The following FOXN3 variants were observed in gnomAD, a reference collection of about 807,000 sequenced individuals.
FOXN3 encodes the protein forkhead box protein N3.
In FOXN3, 7 loss-of-function variants were observed where a neutral mutation model predicts 38.4. That is an observed-to-expected ratio of 0.18 (90% CI 0.10 to 0.34). FOXN3 has a LOEUF of 0.34. FOXN3 is among the 10% of genes least tolerant of loss of function. The pLI, the probability that FOXN3 is intolerant of heterozygous loss-of-function variation, is 1.00. For missense variants in FOXN3, 456 were observed against 613.4 expected (o/e 0.74, Z 2.71); for synonymous variants, 230 against 242.2 (o/e 0.95, Z 0.47).
At chr14:89,253,910 C>T (rs1566939618) in intron 4 of FOXN3, among the ~76,000 whole-genome samples, 1 of 152,232 alleles carries the variant, frequency 6.6e-6, no homozygotes, top group Non-Finnish European at 1.5e-5. Context: ...CACATGGTAC[C>T]TGTCCCAATG....
chr14:89,281,092 CA>C, intron 3 of FOXN3, 78 bp from the exon 4 acceptor site: 2 of 1,276,294 alleles, frequency 1.6e-6, no homozygotes, highest in Non-Finnish European at 2.2e-6. Context: ...ACACTTCCCT[CA>C]AAACATTTCC....
chr14:89,336,147 C>T (rs1566959942), intron 3 of FOXN3, among the ~76,000 whole-genome samples: 1 of 136,838 alleles, frequency 7.3e-6, no homozygotes, highest in Non-Finnish European at 1.6e-5. Flanking sequence ...TACACACACA[C>T]ACACACACAC....
chr14:89,555,509 T>C (rs1403412439), intron 1 of FOXN3, among the ~76,000 whole-genome samples: 1 of 152,148 alleles, frequency 6.6e-6, no homozygotes, highest in Non-Finnish European at 1.5e-5. Flanking sequence ...AGGATAAGCA[T>C]CTTGTCATAT....
chr14:89,333,875 C>G lies in FOXN3; in HGVS notation c.680+16797G>C, dbSNP rs563752915. ...AGATACTATATCTGCATGGCACTCT[C>G]AATTTCATTGCAGCATTATTCACAA... On this transcript the variant is annotated intron_variant, in intron 3 of 5. Coordinates refer to ENST00000557258, the MANE Select transcript of FOXN3 (RefSeq NM_005197.4). 1.0e-4 allele frequency among the ~76,000 whole-genome samples: 15 copies of G among 150,004 alleles called. No homozygotes were observed. The South Asian group carries it at 3.1e-3, about 32-fold the overall frequency.
intron 4 of FOXN3, among the ~76,000 whole-genome samples, chr14:89,256,711 T>C (rs1320547429): frequency 6.6e-6 from 1 of 152,234 alleles, no homozygotes; most frequent in Non-Finnish European, 1.5e-5. Flanking sequence ...ATGTGCATTA[T>C]TGAGTTTGGC....
chr14:89,282,061 T>A (rs1483003799), intron 3 of FOXN3, among the ~76,000 whole-genome samples: 1 of 152,072 alleles, frequency 6.6e-6, no homozygotes, highest in Non-Finnish European at 1.5e-5. Context: ...ACAGCAATAC[T>A]GTTAGCAAGC....
At chr14:89,183,835 C>T (rs1887735326) in intron 4 of FOXN3, 1 of 152,186 alleles carries the variant, frequency 6.6e-6, no homozygotes, top group Non-Finnish European at 1.5e-5. Flanking sequence ...GACAGCCAGG[C>T]TCTGCAAACC....
At chr14:89,363,946 A>AAATATATATATATAT (rs1889984346) in intron 2 of FOXN3, among the ~76,000 whole-genome samples, 1 of 40,440 alleles carries the variant, frequency 2.5e-5, no homozygotes, top group African/African-American at 9.8e-5. Context: ...CCTGTCTGTA[A>AAATATATATATATAT]AATATATATA....
intron 4 of FOXN3, among the ~76,000 whole-genome samples, chr14:89,214,917 G>C (rs1423418364): frequency 6.6e-6 from 1 of 152,120 alleles, no homozygotes; most frequent in Non-Finnish European, 1.5e-5. Context: ...ACTATTACCG[G>C]GTAAGGTGAG....
At chr14:89,527,605 A>G (rs1894458254) in intron 1 of FOXN3, among the ~76,000 whole-genome samples, 1 of 152,236 alleles carries the variant, frequency 6.6e-6, no homozygotes, top group South Asian at 2.1e-4. Flanking sequence ...TTAATGGCAA[A>G]TAAGAACATG....
rs527777298 is a variant in FOXN3, at chr14:89,548,856, C to T, written c.-15+70172G>A. On this transcript the variant is annotated intron_variant, in intron 1 of 6. Coordinates refer to the FOXN3 transcript ENST00000345097. This position sits in a 1 kb window ranked among gnomAD's most constrained non-coding sequence, Gnocchi z 4.8. ...ATAATGTGCCGGGCGCGGTGGCTCA[C>T]GCCTGTAATCCCAGCACTTTTGGAG... 5.3e-5 allele frequency among the ~76,000 whole-genome samples: 8 copies of T among 152,218 alleles called. No individual in the cohort carries two copies. The highest frequency in any genetic ancestry group is 1.9e-4 in the East Asian group (1 of 5,178).
chr14:89,309,416 T>G (rs1287944316), intron 3 of FOXN3, among the ~76,000 whole-genome samples: 1 of 152,196 alleles, frequency 6.6e-6, no homozygotes, highest in African/African-American at 2.4e-5. Context: ...CACCGCTGTT[T>G]CCATGACACG....
At chr14:89,267,587 T>C (rs559391012) in intron 4 of FOXN3, among the ~76,000 whole-genome samples, 1 of 152,274 alleles carries the variant, frequency 6.6e-6, no homozygotes, top group South Asian at 2.1e-4. Context: ...ACATCTCAAA[T>C]CAGTATAATT....
intron 1 of FOXN3, among the ~76,000 whole-genome samples, chr14:89,549,857 T>A (rs1229991177): frequency 6.6e-6 from 1 of 152,182 alleles, no homozygotes; most frequent in Admixed American, 6.5e-5. Flanking sequence ...CTATCTCCAG[T>A]CTGCCTGAGG....
chr14:89,291,137 C>A, intron 3 of FOXN3: 1 of 511,370 alleles, frequency 2.0e-6, no homozygotes. Flanking sequence ...CAGCATCACA[C>A]ATCTCGTTGA....
intron 4 of FOXN3, among the ~76,000 whole-genome samples, chr14:89,268,596 G>A (rs951882650): frequency 1.3e-5 from 2 of 152,224 alleles, no homozygotes; most frequent in Non-Finnish European, 2.9e-5. Flanking sequence ...CTGTCTGTGC[G>A]TCTCTGGGCT....
chr14:89,414,426 G>A (rs1044590914), intron 1 of FOXN3, among the ~76,000 whole-genome samples: 3 of 152,170 alleles, frequency 2.0e-5, no homozygotes, highest in African/African-American at 7.2e-5. Flanking sequence ...ATTCTAGAAG[G>A]CATAATCCTG....
chr14:89,563,553 T>C (rs976771803), intron 1 of FOXN3, among the ~76,000 whole-genome samples: 2 of 152,050 alleles, frequency 1.3e-5, no homozygotes, highest in African/African-American at 4.8e-5. Context: ...ACTTCCTGTT[T>C]GGGTTGTCCA....
chr14:89,547,567 T>A (rs540219944), intron 1 of FOXN3, among the ~76,000 whole-genome samples: 15 of 152,302 alleles, frequency 9.8e-5, no homozygotes, highest in Non-Finnish European at 1.5e-4. Context: ...ACTAGAATTT[T>A]CACATTGCCT....
Sources: gnomAD v4.1 joint callset for allele counts (sites outside exome capture counted in the v4.1 genomes callset) on GRCh38, gnomAD v4.1.1 for gene constraint, Gnocchi (gnomAD v3.1) non-coding constraint, MANE v1.5 for transcripts, NCBI Gene and HGNC (gene_info 2026-07-23, HGNC 2026-07-21) for gene names.